XYLB: variants seen among roughly 807,000 people sequenced by gnomAD.
The protein encoded by XYLB is xylulose kinase.
Under a neutral mutation model 78.7 loss-of-function variants are expected in XYLB, and 62 were observed. That is an observed-to-expected ratio of 0.79 (90% CI 0.64 to 0.97). The LOEUF (loss-of-function observed/expected upper bound fraction) is 0.97, where lower values mean the gene tolerates loss of function less well. Among genes scored for constraint, XYLB ranks in the 50% least tolerant of loss-of-function variants. XYLB has a pLI of 0.00. For missense variants in XYLB, 687 were observed against 676.8 expected (o/e 1.02, Z -0.17); for synonymous variants, 245 against 247.4 (o/e 0.99, Z 0.09).
At chr3:38,426,573 T>G in the XYLB span, among the ~76,000 whole-genome samples, 1 of 152,220 alleles carries the variant, frequency 6.6e-6, no homozygotes. Context: ...ACTTGGAGGC[T>G]CTGCAATTTG....
At chr3:38,426,376 C>T in the XYLB span, among the ~76,000 whole-genome samples, 5 of 152,302 alleles carry the variant, frequency 3.3e-5, no homozygotes, top group African/African-American at 1.2e-4. Context: ...TGAAAGACAG[C>T]ATGAGTGGGA....
At chr3:38,427,310 G>A in the XYLB span, among the ~76,000 whole-genome samples, 3 of 152,128 alleles carry the variant, frequency 2.0e-5, no homozygotes, top group African/African-American at 4.8e-5. Context: ...AAAGTGCTGG[G>A]ATTACAGGCG....
intron 14 of XYLB, among the ~76,000 whole-genome samples, chr3:38,378,525 T>C (rs1158168935): frequency 6.6e-6 from 1 of 152,042 alleles, no homozygotes; most frequent in Non-Finnish European, 1.5e-5. Flanking sequence ...CTGGGTGGGG[T>C]GATCAAGCCT....
intron 2 of XYLB, among the ~76,000 whole-genome samples, chr3:38,349,518 G>T (rs1014622616): frequency 1.3e-5 from 2 of 152,190 alleles, no homozygotes; most frequent in African/African-American, 2.4e-5. Flanking sequence ...TGATGGATAG[G>T]AGAGAGCTGA....
At chr3:38,363,963 T>C (rs1002307680) in intron 4 of XYLB, among the ~76,000 whole-genome samples, 7 of 152,178 alleles carry the variant, frequency 4.6e-5, no homozygotes, top group African/African-American at 1.7e-4. Flanking sequence ...GAATTTATTG[T>C]TTTGGTTCTT....
rs1448444408 is a variant in XYLB at position 38,376,102 on chromosome 3, T to C, written c.1005-15T>C. 6.4e-7 allele frequency: 1 copy of C among 1,563,374 alleles called. No homozygotes were observed. The highest frequency in any genetic ancestry group is 8.8e-7 in the Non-Finnish European group (1 of 1,134,500). ...GCACCAGCTCCCTCCCTCAGAGCTA[T>C]GCCCTCTTCTGCAGCTTTAAAAATG... is the stretch of plus-strand genomic sequence containing the variant. On this transcript the variant is annotated splice_polypyrimidine_tract_variant and intron_variant, in intron 12 of 18. Transcript: ENST00000207870.
intron 9 of XYLB, 24 bp from the exon 10 acceptor site, chr3:38,372,631 C>A: frequency 6.2e-7 from 1 of 1,613,954 alleles, no homozygotes; most frequent in South Asian, 1.1e-5. Context: ...AACAGAGCAC[C>A]TTTGCTTTGT....
At chr3:38,390,769 G>A (rs998961401) in intron 15 of XYLB, among the ~76,000 whole-genome samples, 1 of 152,142 alleles carries the variant, frequency 6.6e-6, no homozygotes, top group African/African-American at 2.4e-5. Flanking sequence ...TCCTCCTCCT[G>A]CCTTGGCCTA....
At chr3:38,382,408 G>A (rs1408468427) in intron 15 of XYLB, among the ~76,000 whole-genome samples, 3 of 152,180 alleles carry the variant, frequency 2.0e-5, no homozygotes, top group Non-Finnish European at 2.9e-5. Context: ...TGCTGTCAAT[G>A]TTCTGTTTCA....
At chr3:38,372,816 C>G (rs538440597) in intron 10 of XYLB, 80 bp downstream of exon 10, 8 of 1,482,366 alleles carry the variant, frequency 5.4e-6, no homozygotes, top group East Asian at 2.3e-5. Context: ...AGTCCAGCCT[C>G]TTGGTGAAAC....
At chr3:38,397,024 C>T in intron 16 of XYLB, 48 bp from the exon 17 acceptor site, 1 of 1,582,842 alleles carries the variant, frequency 6.3e-7, no homozygotes, top group Non-Finnish European at 8.7e-7. Context: ...TGTCTGTGTT[C>T]CCTCTGAGGA....
chr3:38,432,474 G>A, the XYLB span, among the ~76,000 whole-genome samples: 1 of 152,200 alleles, frequency 6.6e-6, no homozygotes, highest in Admixed American at 6.5e-5. Context: ...GGCTGAGGCA[G>A]GAGAATCGCT....
intron 15 of XYLB, among the ~76,000 whole-genome samples, chr3:38,391,599 A>G (rs1196636112): frequency 1.3e-5 from 2 of 151,922 alleles, no homozygotes; most frequent in African/African-American, 4.8e-5. Context: ...CCATTTATCC[A>G]TTTGCTATGA....
intron 18 of XYLB, among the ~76,000 whole-genome samples, chr3:38,403,272 C>A (rs897739381): frequency 2.8e-5 from 4 of 144,510 alleles, no homozygotes; most frequent in Non-Finnish European, 4.5e-5. Flanking sequence ...CCAGCCTGGG[C>A]GACAGAGACC....
At chr3:38,377,283 A>G (rs1706910830) in intron 14 of XYLB, among the ~76,000 whole-genome samples, 1 of 151,990 alleles carries the variant, frequency 6.6e-6, no homozygotes, top group African/African-American at 2.4e-5. Context: ...TTCCTTGGCG[A>G]GTTTTATCCT....
the XYLB span, chr3:38,453,029 C>T: frequency 6.6e-6 from 1 of 152,224 alleles, no homozygotes; most frequent in Non-Finnish European, 1.5e-5. Context: ...CATCACGTTC[C>T]TCCGAAGCTC....
downstream of XYLB, among the ~76,000 whole-genome samples, chr3:38,416,819 T>C (rs1708811131): frequency 6.6e-6 from 1 of 152,232 alleles, no homozygotes; most frequent in Non-Finnish European, 1.5e-5. Context: ...TTGTCAACTT[T>C]AAGTGATATT....
chr3:38,355,886 A>C lies in XYLB; in HGVS notation c.141-4453A>C. Reference sequence around the variant, plus strand: ...CTTTACATGAGGAGAAAGAAACTTCAGCTGTATCAAGCCATAGAAATGTGT... The same window carrying C: ...CTTTACATGAGGAGAAAGAAACTTCCGCTGTATCAAGCCATAGAAATGTGT... On this transcript the variant is annotated intron_variant, in intron 2 of 18. Transcript: ENST00000207870. 4.5e-6 allele frequency: 3 copies of C among 671,304 alleles called. 1 individual carries two copies. In the Admixed American group the frequency reaches 7.1e-5, roughly 16 times the overall value. 41.6% of individuals were successfully genotyped at this position (671,304 alleles called of 1,614,324 possible). A position where few individuals can be genotyped will look rare whatever the true frequency, so the allele number is the denominator to read the frequency against.
At chr3:38,396,696 T>A (rs1245746625) in intron 16 of XYLB, among the ~76,000 whole-genome samples, 1 of 152,220 alleles carries the variant, frequency 6.6e-6, no homozygotes, top group South Asian at 2.1e-4. Context: ...ATTATGCCCA[T>A]GAAACATGCT....
Sources: gnomAD v4.1 joint callset for allele counts (sites outside exome capture counted in the v4.1 genomes callset) on GRCh38, gnomAD v4.1.1 for gene constraint, MANE v1.5 for transcripts, NCBI Gene and HGNC (gene_info 2026-07-23, HGNC 2026-07-21) for gene names.